AKT3: variants seen among roughly 807,000 people sequenced by gnomAD.
AKT3 encodes AKT serine/threonine kinase 3.
A neutral mutation model predicts 65.3 loss-of-function variants in AKT3; 15 were observed. The observed-to-expected ratio is 0.23, with a 90% CI of 0.15 to 0.35. AKT3 has a LOEUF of 0.35. Ranked by LOEUF, AKT3 falls within the 10% of genes least tolerant of loss-of-function variation. AKT3 has a pLI of 1.00. For synonymous variants in AKT3, 206 were observed against 183.8 expected, an observed-to-expected ratio of 1.12 and a Z score of -0.98; for missense variants, 243 against 576.5, an observed-to-expected ratio of 0.42 and a Z score of 5.92.
rs140041806 is a variant in AKT3 at position 243,591,093 on chromosome 1, G to A, written c.697-18045C>T. ...AAGGTATCTAGAATTCATGAGACAGGTAACTAGACAGAAGACAGTACCAAA... is the reference window on the plus strand; with the variant it reads ...AAGGTATCTAGAATTCATGAGACAGATAACTAGACAGAAGACAGTACCAAA... On this transcript the variant is annotated intron_variant, in intron 8 of 13. Transcript: ENST00000673466. Among the ~76,000 whole-genome samples the A allele has an allele frequency of 4.7e-3, 714 of 152,232 alleles. 5 individuals carry two copies. The highest frequency in any genetic ancestry group is 0.017 in the African/African-American group (690 of 41,534).
chr1:243,735,889 T>G (rs1572251275), intron 2 of AKT3: 1 of 152,218 alleles, frequency 6.6e-6, no homozygotes, highest in Admixed American at 6.5e-5. Flanking sequence ...TTTCAAATAT[T>G]ATTAAAAAGT....
chr1:243,545,929 T>C (rs973947944), intron 11 of AKT3, among the ~76,000 whole-genome samples: 3 of 152,150 alleles, frequency 2.0e-5, no homozygotes, highest in Non-Finnish European at 4.4e-5. Flanking sequence ...ATGATAACGT[T>C]TGCTGGTGGG....
At chr1:243,516,316 C>CT (rs985710856) in intron 12 of AKT3, among the ~76,000 whole-genome samples, 36 of 152,322 alleles carry the variant, frequency 2.4e-4, no homozygotes, top group Admixed American at 2.2e-3. Flanking sequence ...ATATTATCCA[C>CT]TTAATACCAA....
chr1:243,773,043 G>C (rs1451886389), intron 2 of AKT3, among the ~76,000 whole-genome samples: 1 of 126,970 alleles, frequency 7.9e-6, no homozygotes, highest in Admixed American at 8.3e-5. Flanking sequence ...GTTGTGGGGT[G>C]GGGGGAGGGG....
chr1:243,553,683 C>T (rs897322284), intron 10 of AKT3, among the ~76,000 whole-genome samples: 3 of 152,108 alleles, frequency 2.0e-5, no homozygotes, highest in Admixed American at 6.6e-5. Context: ...AAATATATTA[C>T]ACGTAAAATA....
chr1:243,712,485 T>A (rs575610847), intron 2 of AKT3, among the ~76,000 whole-genome samples: 1 of 152,260 alleles, frequency 6.6e-6, no homozygotes, highest in African/African-American at 2.4e-5. Flanking sequence ...AACAAAACCT[T>A]AAATGTTTTA....
rs139122282 is a variant in AKT3 at position 243,666,887 on chromosome 1, G to C, written c.173-2004C>G. On this transcript the variant is annotated intron_variant, in intron 3 of 13. Coordinates refer to ENST00000673466, the MANE Select transcript of AKT3 (RefSeq NM_005465.7). ...TAGATGGGTGTTTTGTCGACATGAT[G>C]AGATGAGAAAACACAAAAACTAAGA... 3.5e-3 allele frequency among the ~76,000 whole-genome samples: 534 copies of C among 152,244 alleles called. 2 individuals are homozygous for C. Among genetic ancestry groups the C allele is most frequent in the African/African-American group, 0.012 (516 of 41,538 alleles).
At chr1:243,609,426 G>C (rs1009862771) in intron 8 of AKT3, among the ~76,000 whole-genome samples, 1 of 151,978 alleles carries the variant, frequency 6.6e-6, no homozygotes, top group Non-Finnish European at 1.5e-5. Context: ...GGGAGGCCGA[G>C]GTGGGCAGAT....
At chr1:243,754,654 T>C (rs1285831398) in intron 2 of AKT3, among the ~76,000 whole-genome samples, 1 of 152,176 alleles carries the variant, frequency 6.6e-6, no homozygotes, top group Non-Finnish European at 1.5e-5. Context: ...GCGAACCCTA[T>C]TGTGAACTGT....
At chr1:243,583,406 C>T (rs1298272857) in intron 8 of AKT3, among the ~76,000 whole-genome samples, 1 of 150,652 alleles carries the variant, frequency 6.6e-6, no homozygotes. Flanking sequence ...GACTTAAACT[C>T]AACACTTGAC....
At chr1:243,514,596 AC>A (rs1670227051) in intron 12 of AKT3, among the ~76,000 whole-genome samples, 1 of 152,202 alleles carries the variant, frequency 6.6e-6, no homozygotes, top group South Asian at 2.1e-4. Context: ...TATAAGTTCC[AC>A]GAGGGCAAGG....
intron 12 of AKT3, among the ~76,000 whole-genome samples, chr1:243,535,077 C>T (rs1286820511): frequency 7.0e-6 from 1 of 142,890 alleles, no homozygotes; most frequent in Non-Finnish European, 1.5e-5. Flanking sequence ...TGATAAACCT[C>T]TAGACATGTT....
At chr1:243,567,347 G>A (rs928788395) in intron 9 of AKT3, among the ~76,000 whole-genome samples, 1 of 151,970 alleles carries the variant, frequency 6.6e-6, no homozygotes, top group Non-Finnish European at 1.5e-5. Flanking sequence ...TCGCTCTGTT[G>A]CCTAGGCTGG....
chr1:243,832,772 C>T (rs946820056), intron 2 of AKT3, among the ~76,000 whole-genome samples: 7 of 152,142 alleles, frequency 4.6e-5, no homozygotes, highest in South Asian at 2.1e-4. Context: ...GATCTCAGTA[C>T]AGCACGTTAC....
In AKT3 at chr1:243,651,688, G is replaced by A. The variant is rs536443055; in HGVS notation, c.285-5651C>T. ...TGTCATTGGTTCTGTTTATGTGATG[G>A]ATTACGTTTATTGATTTGTGTATGT... is the stretch of plus-strand genomic sequence containing the variant. On this transcript the variant is annotated intron_variant, in intron 4 of 13. Coordinates refer to ENST00000673466, the MANE Select transcript of AKT3 (RefSeq NM_005465.7). 2.6e-5 allele frequency among the ~76,000 whole-genome samples: 4 copies of A among 152,250 alleles called. No individual in the cohort carries two copies. In the South Asian group the frequency reaches 8.3e-4, roughly 32 times the overall value.
At chr1:243,542,530 ATG>A (rs1429257707) in intron 12 of AKT3, among the ~76,000 whole-genome samples, 3 of 152,220 alleles carry the variant, frequency 2.0e-5, no homozygotes, top group Non-Finnish European at 4.4e-5. Flanking sequence ...ACCAATAATT[ATG>A]TGATAATAAA....
At chr1:243,606,685 C>T (rs1410696001) in intron 8 of AKT3, among the ~76,000 whole-genome samples, 1 of 152,188 alleles carries the variant, frequency 6.6e-6, no homozygotes, top group Non-Finnish European at 1.5e-5. Flanking sequence ...TAACAAGGAG[C>T]CAGATGTTAA....
At chr1:243,693,636 A>G (rs1373585094) in intron 3 of AKT3, among the ~76,000 whole-genome samples, 1 of 152,076 alleles carries the variant, frequency 6.6e-6, no homozygotes, top group Non-Finnish European at 1.5e-5. Context: ...AGAGTTTCAG[A>G]GAATAATCTG....
At chr1:243,680,749 T>TA (rs548138123) in intron 3 of AKT3, among the ~76,000 whole-genome samples, 100 of 152,094 alleles carry the variant, frequency 6.6e-4, no homozygotes, top group African/African-American at 2.0e-3. Flanking sequence ...ATTCTGCCTC[T>TA]AAAAAAAATC....
Sources: allele counts gnomAD v4.1 joint callset (sites outside exome capture counted in the v4.1 genomes callset), GRCh38; gene constraint gnomAD v4.1.1; transcripts MANE v1.5; gene names NCBI Gene and HGNC (gene_info 2026-07-23, HGNC 2026-07-21).